The following SLC14A1 variants were observed in gnomAD, a reference collection of about 807,000 sequenced individuals.
SLC14A1 encodes the protein solute carrier family 14 member 1 (Kidd blood group).
SLC14A1 carries 36 observed loss-of-function variants against 39.6 expected under a neutral mutation model. That is an observed-to-expected ratio of 0.91 (90% CI 0.70 to 1.20). SLC14A1 has a LOEUF of 1.20. Ranked by LOEUF, SLC14A1 falls within the 50% of genes most tolerant of loss-of-function variation. The pLI, the probability that SLC14A1 is intolerant of heterozygous loss-of-function variation, is 0.00. For synonymous variants in SLC14A1, 164 were observed against 173.6 expected (o/e 0.94, Z 0.43); for missense variants, 469 against 478.7 (o/e 0.98, Z 0.19).
intron 8 of SLC14A1, among the ~76,000 whole-genome samples, chr18:45,747,425 A>G (rs2047576878): frequency 6.6e-6 from 1 of 152,196 alleles, no homozygotes; most frequent in Admixed American, 6.5e-5. Context: ...GCGGTGGCTC[A>G]TGCCTGTAAT....
At chr18:45,742,362 T>G (rs974906791) in intron 8 of SLC14A1, among the ~76,000 whole-genome samples, 1 of 146,482 alleles carries the variant, frequency 6.8e-6, no homozygotes, top group Non-Finnish European at 1.5e-5. Flanking sequence ...GGTTTTTTTT[T>G]TTTTTTTTTT....
chr18:45,727,440 T>C, intron 2 of SLC14A1: 1 of 1,530,228 alleles, frequency 6.5e-7, no homozygotes. Flanking sequence ...TCGTGCAGCC[T>C]CTGGCTCGGG....
intron 5 of SLC14A1, among the ~76,000 whole-genome samples, chr18:45,734,802 G>A (rs2047139435): frequency 6.6e-6 from 1 of 152,038 alleles, no homozygotes; most frequent in Admixed American, 6.6e-5. Context: ...GAGCAGGAGG[G>A]CAAGGAGAAG....
At chr18:45,736,275 A>G (rs940893542) in intron 5 of SLC14A1, among the ~76,000 whole-genome samples, 181 bp from the exon 6 acceptor site, 1 of 152,188 alleles carries the variant, frequency 6.6e-6, no homozygotes, top group Non-Finnish European at 1.5e-5. Flanking sequence ...TTTTTACTTT[A>G]TGTAATATTT....
Position 45,731,071 on chromosome 18 carries a change from G to A in SLC14A1, c.208G>A (p.Val70Met), listed in dbSNP as rs184913653. ...DWILRGISQV[V>M]FVNNPVSGIL... Reference sequence around the variant, plus strand: ...GATTCTCCGGGGCATATCCCAAGTGGTGTTCGTCAACAACCCCGTCAGTGG... The same window carrying A: ...GATTCTCCGGGGCATATCCCAAGTGATGTTCGTCAACAACCCCGTCAGTGG... Residue 70 changes from valine (V) to methionine (M), a missense_variant, in exon 4 of 10, where the codon GTG becomes ATG. By Grantham distance (21) the Val-to-Met change is conservative. Transcript: ENST00000321925. 17 of 1,614,160 alleles carry A rather than the reference G, an allele frequency of 1.1e-5. No homozygotes were observed. Among genetic ancestry groups the A allele is most frequent in the Middle Eastern group, 1.6e-4 (1 of 6,062 alleles).
chr18:45,740,590 C>T (rs961443350), intron 8 of SLC14A1, among the ~76,000 whole-genome samples: 2 of 151,540 alleles, frequency 1.3e-5, no homozygotes, highest in Non-Finnish European at 2.9e-5. Flanking sequence ...GGCTGGAGTG[C>T]GGTGGTGTGA....
In SLC14A1 at chr18:45,731,029, C is replaced by T; in HGVS notation, c.166C>T (p.Leu56Phe). ...ATCCCTTCCAGACAAACCCGTGGTG[C>T]TCCAGTTCATTGACTGGATTCTCCG... is the stretch of plus-strand genomic sequence containing the variant. ...ANQLKDKPVV[L>F]QFIDWILRGI... Residue 56 changes from leucine (L) to phenylalanine (F), a missense_variant, in exon 4 of 10, where the codon CTC becomes TTC. Transcript: ENST00000321925. 6.2e-7 allele frequency: 1 copy of T among 1,614,062 alleles called. No homozygotes were observed. Among genetic ancestry groups the T allele is most frequent in the Non-Finnish European group, 8.5e-7 (1 of 1,179,932 alleles).
At chr18:45,725,255 G>C (rs1287671424) in intron 2 of SLC14A1, among the ~76,000 whole-genome samples, 1 of 152,152 alleles carries the variant, frequency 6.6e-6, no homozygotes, top group Non-Finnish European at 1.5e-5. Flanking sequence ...CTGAAATCTT[G>C]ATATTGCCTT....
intron 8 of SLC14A1, among the ~76,000 whole-genome samples, chr18:45,742,352 GGTTTTTT>G (rs1299917242): frequency 9.5e-6 from 1 of 104,944 alleles, no homozygotes; most frequent in Non-Finnish European, 1.9e-5. Flanking sequence ...TTTGTTTTTT[GGTTTTTT>G]TTTTTTTTTT....
At position 45,739,243 on chromosome 18, in the gene SLC14A1, CA is replaced by C. The variant is rs752761664; in HGVS notation, c.745del (p.Ile249SerfsTer14). 12 of 1,614,104 alleles carry C rather than the reference CA, an allele frequency of 7.4e-6. No homozygotes were observed. The highest frequency in any genetic ancestry group is 1.0e-5 in the Non-Finnish European group (12 of 1,180,004). On this transcript the variant is annotated frameshift_variant, in exon 7 of 10. Coordinates refer to ENST00000321925, the MANE Select transcript of SLC14A1 (RefSeq NM_015865.7). LOFTEE classifies it high-confidence loss of function. ...PWTGGIFLGAILLSSPLMCLH... is the reference protein window; with the variant it reads ...PWTGGIFLGAXLLSSPLMCLH... Reference sequence around the variant, plus strand: ...GGACAGGGGGCATTTTCCTGGGAGCCATCCTACTCTCCTCCCCACTCATGTG... The same window carrying C: ...GGACAGGGGGCATTTTCCTGGGAGCCTCCTACTCTCCTCCCCACTCATGTG...
chr18:45,749,705 A>AG (rs1315792783), intron 9 of SLC14A1, 73 bp from the exon 10 acceptor site: 5 of 1,566,164 alleles, frequency 3.2e-6, no homozygotes, highest in Non-Finnish European at 4.4e-6. Flanking sequence ...ATGCAAGTAG[A>AG]GGGGGATGCC....
At chr18:45,748,187 C>T in intron 8 of SLC14A1, among the ~76,000 whole-genome samples, 189 bp from the exon 9 acceptor site, 1 of 152,144 alleles carries the variant, frequency 6.6e-6, no homozygotes, top group East Asian at 1.9e-4. Context: ...GAAATGGAGG[C>T]TTAAAACAGA....
intron 2 of SLC14A1, 189 bp from the exon 3 acceptor site, chr18:45,730,111 G>A: frequency 3.7e-6 from 2 of 537,578 alleles, no homozygotes; most frequent in Non-Finnish European, 6.5e-6. Context: ...TACAGACACT[G>A]ATGGCAAAGG....
At chr18:45,738,531 AG>A (rs761689092) in intron 6 of SLC14A1, among the ~76,000 whole-genome samples, 141 of 152,262 alleles carry the variant, frequency 9.3e-4, no homozygotes, top group Non-Finnish European at 1.2e-3. Flanking sequence ...CCTGCTTGAC[AG>A]TTGTTCATAA....
intron 8 of SLC14A1, among the ~76,000 whole-genome samples, chr18:45,744,784 T>G (rs974911985): frequency 1.3e-5 from 2 of 152,206 alleles, no homozygotes; most frequent in African/African-American, 2.4e-5. Flanking sequence ...AGTATTTGAG[T>G]ACAATACTTT....
chr18:45,732,118 G>A (rs1343149037), intron 4 of SLC14A1, among the ~76,000 whole-genome samples: 1 of 152,188 alleles, frequency 6.6e-6, no homozygotes, highest in Admixed American at 6.5e-5. Context: ...GTGCCATACT[G>A]AATATTCCTT....
Position 45,739,272 on chromosome 18 carries a change from T to C in SLC14A1, c.773T>C (p.Leu258Pro), listed in dbSNP as rs756515659. Residue 258 changes from leucine to proline, a missense_variant, in exon 7 of 10, where the codon CTG (leucine) becomes CCG (proline). Leu to Pro is a moderately conservative substitution (Grantham distance 98). Coordinates refer to ENST00000321925, the MANE Select transcript of SLC14A1 (RefSeq NM_015865.7). ...AILLSSPLMC[L>P]HAAIGSLLGI... ...CTACTCTCCTCCCCACTCATGTGCCTGCATGCTGCCATAGGATCATTGCTG... is the reference window on the plus strand; with the variant it reads ...CTACTCTCCTCCCCACTCATGTGCCCGCATGCTGCCATAGGATCATTGCTG... The C allele has an allele frequency of 1.2e-6, 2 of 1,614,108 alleles. No individual in the cohort carries two copies. The highest frequency in any genetic ancestry group is 2.2e-5 in the South Asian group (2 of 91,090).
At chr18:45,748,731 A>T (rs1007061595) in intron 9 of SLC14A1, among the ~76,000 whole-genome samples, 9 of 152,246 alleles carry the variant, frequency 5.9e-5, no homozygotes, top group Non-Finnish European at 1.3e-4. Context: ...AGTAGACTTT[A>T]GGATATCTTT....
rs2047679199 is a variant in SLC14A1 at position 45,750,652 on chromosome 18, A to AT, written c.*707dup. On this transcript the variant is annotated 3_prime_UTR_variant, in exon 10 of 10. Transcript: ENST00000321925. ...CAACTTTTCTCAGAGATTGCAAAGG[A>AT]TTTTTTAGGTAGAGATTATTTTTCC... is the stretch of plus-strand genomic sequence containing the variant. The AT allele has an allele frequency of 6.1e-6, 6 of 985,862 alleles. No individual in the cohort carries two copies. The highest frequency in any genetic ancestry group is 7.2e-6 in the Non-Finnish European group (6 of 830,280). The allele number at this position is 985,862 out of a possible 1,614,324, so 61.1% of individuals were successfully genotyped here.
Sources: gnomAD v4.1 joint callset for allele counts (sites outside exome capture counted in the v4.1 genomes callset) on GRCh38, gnomAD v4.1.1 for gene constraint, MANE v1.5 for transcripts, NCBI Gene and HGNC (gene_info 2026-07-23, HGNC 2026-07-21) for gene names.